SEMA6D: variants seen among roughly 807,000 people sequenced by gnomAD.
SEMA6D encodes the protein semaphorin 6D, also known as semaphorin-6D.
A neutral mutation model predicts 106.6 loss-of-function variants in SEMA6D; 35 were observed. That is an observed-to-expected ratio of 0.33 (90% CI 0.25 to 0.44). The LOEUF (loss-of-function observed/expected upper bound fraction) is 0.44, where lower values mean the gene tolerates loss of function less well. Among genes scored for constraint, SEMA6D ranks in the 20% least tolerant of loss-of-function variants. The probability of loss-of-function intolerance (pLI) is 1.00; values close to 1 mark genes in which losing one functional copy is unlikely to be tolerated. For missense variants in SEMA6D, 1,185 were observed against 1,345.9 expected (o/e 0.88, Z 1.87); for synonymous variants, 499 against 487.7 (o/e 1.02, Z -0.31).
At chr15:47,576,822 T>C (rs2076163519) in intron 3 of SEMA6D, among the ~76,000 whole-genome samples, 1 of 152,232 alleles carries the variant, frequency 6.6e-6, no homozygotes. Flanking sequence ...TGCTTATCTA[T>C]CCAGAACAAA....
In SEMA6D at chr15:47,221,370, C is replaced by T. The variant is rs572638605; in HGVS notation, c.-239+36952C>T. The stretch of plus-strand genomic sequence containing the variant: ...ACTTCAGCATCAGGGATGTTAAAGG[C>T]TTCCCTGTTATTGCAACTCCCTCGG... On this transcript the variant is annotated intron_variant, in intron 1 of 19. Coordinates refer to the SEMA6D transcript ENST00000558014. 2.6e-5 allele frequency among the ~76,000 whole-genome samples: 4 copies of T among 152,314 alleles called. No homozygotes were observed. In the East Asian group the frequency reaches 7.7e-4, roughly 29 times the overall value.
At chr15:47,744,523 G>A (rs1364420959) in intron 1 of SEMA6D, among the ~76,000 whole-genome samples, 4 of 152,084 alleles carry the variant, frequency 2.6e-5, no homozygotes, top group African/African-American at 4.8e-5. Flanking sequence ...GAGAAAGCTC[G>A]AAGAGACACT....
intron 3 of SEMA6D, among the ~76,000 whole-genome samples, chr15:47,559,186 G>T (rs967683138): frequency 1.3e-5 from 2 of 151,984 alleles, no homozygotes; most frequent in African/African-American, 4.8e-5. Flanking sequence ...CAATGCTGAG[G>T]AAATCAAGGA....
At chr15:47,623,682 A>T (rs539288272) in intron 4 of SEMA6D, among the ~76,000 whole-genome samples, 3 of 152,180 alleles carry the variant, frequency 2.0e-5, no homozygotes, top group Non-Finnish European at 2.9e-5. Context: ...TACGGATGTT[A>T]TGTATCTTCT....
intron 1 of SEMA6D, among the ~76,000 whole-genome samples, chr15:47,744,368 T>C (rs1488615042): frequency 1.3e-5 from 2 of 152,068 alleles, no homozygotes; most frequent in Non-Finnish European, 2.9e-5. Context: ...GCAAAGCACA[T>C]TGGGAATGCA....
At chr15:47,381,764 G>T (rs1367112389) in intron 1 of SEMA6D, among the ~76,000 whole-genome samples, 1 of 152,158 alleles carries the variant, frequency 6.6e-6, no homozygotes, top group East Asian at 1.9e-4. Flanking sequence ...GGAAATATGA[G>T]TTTTAAACTG....
At chr15:47,367,954 G>A (rs1208922207) in intron 1 of SEMA6D, among the ~76,000 whole-genome samples, 1 of 124,236 alleles carries the variant, frequency 8.0e-6, no homozygotes, top group Non-Finnish European at 1.7e-5. Flanking sequence ...GGCCCCCTGT[G>A]GCTTAATGCT....
chr15:47,184,605 G>C (rs1893414104), intron 1 of SEMA6D, among the ~76,000 whole-genome samples: 1 of 152,030 alleles, frequency 6.6e-6, no homozygotes, highest in African/African-American at 2.4e-5. Flanking sequence ...CCGCCGCCCG[G>C]TTCCCGTGCG....
chr15:47,462,851 A>G (rs2042555026), intron 2 of SEMA6D, among the ~76,000 whole-genome samples: 1 of 152,136 alleles, frequency 6.6e-6, no homozygotes. Context: ...AAATAAAGCT[A>G]AAACCTGTTC....
intron 1 of SEMA6D, among the ~76,000 whole-genome samples, chr15:47,351,823 T>G (rs937587532): frequency 1.3e-5 from 2 of 152,228 alleles, no homozygotes; most frequent in African/African-American, 4.8e-5. Context: ...ATTTAGAACC[T>G]TTCATATATT....
intron 3 of SEMA6D, among the ~76,000 whole-genome samples, chr15:47,552,041 A>T (rs1406985950): frequency 6.6e-6 from 1 of 151,856 alleles, no homozygotes; most frequent in Non-Finnish European, 1.5e-5. Flanking sequence ...GAAACAGACA[A>T]AAAAAAAGAC....
At chr15:47,364,870 G>A (rs1314399219) in intron 1 of SEMA6D, among the ~76,000 whole-genome samples, 1 of 152,014 alleles carries the variant, frequency 6.6e-6, no homozygotes, top group Non-Finnish European at 1.5e-5. Flanking sequence ...TAGGATCTGG[G>A]CACATCTGGC....
intron 2 of SEMA6D, among the ~76,000 whole-genome samples, chr15:47,413,738 C>T (rs2040872834): frequency 6.6e-6 from 1 of 152,186 alleles, no homozygotes; most frequent in African/African-American, 2.4e-5. Flanking sequence ...TTGCCTTGGT[C>T]TCCCAAAGTG....
chr15:47,391,086 C>T (rs967634051), intron 1 of SEMA6D, among the ~76,000 whole-genome samples: 11 of 152,194 alleles, frequency 7.2e-5, no homozygotes, highest in Admixed American at 2.0e-4. Flanking sequence ...AACCCCTTTG[C>T]CCTGCCTTCT....
rs1567031210 is a variant in SEMA6D at position 47,367,714 on chromosome 15, ACACACACACAC to A, written c.-238-44678_-238-44668del. On this transcript the variant is annotated intron_variant, in intron 1 of 19. Transcript: ENST00000558014. ...CGCGCACACACACACACACACACAC[ACACACACACAC>A]ACAGAGAGAGAGAAAGAGAGAGAGA... is the stretch of plus-strand genomic sequence containing the variant. Among the ~76,000 whole-genome samples, 574 of 147,920 alleles carry A rather than the reference ACACACACACAC, an allele frequency of 3.9e-3. 5 individuals carry two copies. The highest frequency in any genetic ancestry group is 3.9e-3 in the Non-Finnish European group (266 of 67,692).
At chr15:47,525,959 C>G (rs961163192) in intron 3 of SEMA6D, among the ~76,000 whole-genome samples, 5 of 152,218 alleles carry the variant, frequency 3.3e-5, no homozygotes, top group Middle Eastern at 3.4e-3. Flanking sequence ...GGAAGGCCAC[C>G]CACTATAGAA....
chr15:47,436,781 A>G (rs2041722570), intron 2 of SEMA6D, among the ~76,000 whole-genome samples: 1 of 147,310 alleles, frequency 6.8e-6, no homozygotes, highest in African/African-American at 2.5e-5. Context: ...ATATATATAT[A>G]TATATAGCTG....
At chr15:47,726,056 TTTAGTAATCGG>T (rs2079729927) in intron 1 of SEMA6D, among the ~76,000 whole-genome samples, 1 of 152,250 alleles carries the variant, frequency 6.6e-6, no homozygotes, top group Admixed American at 6.5e-5. Context: ...ACCTGTTTAG[TTTAGTAATCGG>T]TCTGGCTCCC....
intron 1 of SEMA6D, among the ~76,000 whole-genome samples, chr15:47,342,256 G>T (rs1240272211): frequency 6.6e-6 from 1 of 152,042 alleles, no homozygotes; most frequent in Non-Finnish European, 1.5e-5. Flanking sequence ...CTAAAAGTTC[G>T]TTGCCTGCAC....
Sources: gnomAD v4.1 joint callset for allele counts (sites outside exome capture counted in the v4.1 genomes callset) on GRCh38, gnomAD v4.1.1 for gene constraint, MANE v1.5 for transcripts, NCBI Gene and HGNC (gene_info 2026-07-23, HGNC 2026-07-21) for gene names.